EFCAB3: variants seen among roughly 807,000 people sequenced by gnomAD.
EFCAB3 encodes the protein EF-hand calcium binding domain 3, also known as EF-hand calcium-binding domain-containing protein 3.
EFCAB3 carries 36 observed loss-of-function variants against 42.2 expected under a neutral mutation model. That is an observed-to-expected ratio of 0.85 (90% CI 0.65 to 1.13). EFCAB3 has a LOEUF of 1.13. EFCAB3 is among the 50% of genes most tolerant of loss of function. The pLI is 0.00. For missense variants in EFCAB3, 418 were observed against 505.1 expected (o/e 0.83, Z 1.65); for synonymous variants, 170 against 172.8 (o/e 0.98, Z 0.13).
chr17:62,377,994 T>C, upstream of EFCAB3: 8 of 1,549,886 alleles, frequency 5.2e-6, no homozygotes, highest in Non-Finnish European at 6.1e-6. Context: ...TCTGCATAAG[T>C]TGAAAACTGC....
rs751051000 is a variant in EFCAB3, at chr17:62,387,378, AAC to A, written c.117_118del (p.His39GlnfsTer29). The A allele has an allele frequency of 6.2e-7, 1 of 1,612,012 alleles. No homozygotes were observed. The highest frequency in any genetic ancestry group is 2.2e-5 in the East Asian group (1 of 44,764). On this transcript the variant is annotated frameshift_variant, in exon 3 of 10. Coordinates refer to ENST00000305286, the MANE Select transcript of EFCAB3 (RefSeq NM_173503.4). LOFTEE classifies it high-confidence loss of function. ...CCAGGATCTCTTCAATGCCAATTACAACACAAAGAAAAGAAGCTAAGTGCTTC... is the reference window on the plus strand; with the variant it reads ...CCAGGATCTCTTCAATGCCAATTACAACAAAGAAAAGAAGCTAAGTGCTTC...
At chr17:62,377,875 T>C, upstream of EFCAB3, 1 of 998,082 alleles carries the variant, frequency 1.0e-6, no homozygotes, top group Non-Finnish European at 1.5e-6. Context: ...TTCACTCATC[T>C]GGGGAAAAAA....
At chr17:62,375,248 T>C (rs1056086290) in intron 2 of EFCAB3, among the ~76,000 whole-genome samples, 2 of 152,254 alleles carry the variant, frequency 1.3e-5, no homozygotes, top group Admixed American at 1.3e-4. Context: ...AGTCCTGTTG[T>C]ATTTTATTTG....
intron 1 of EFCAB3, chr17:62,373,695 G>A: frequency 1.6e-6 from 1 of 628,024 alleles, no homozygotes; most frequent in Non-Finnish European, 2.8e-6. Context: ...GCAAACCAAT[G>A]TTTCTAGTTC....
chr17:62,378,064 A>G (rs1006813646), upstream of EFCAB3: 2 of 1,466,554 alleles, frequency 1.4e-6, no homozygotes, highest in Admixed American at 4.6e-5. Context: ...ATGGGGCTTA[A>G]TACTTTGACT....
chr17:62,383,112 C>A, intron 2 of EFCAB3, 59 bp downstream of exon 2: 1 of 1,463,760 alleles, frequency 6.8e-7, no homozygotes, highest in Non-Finnish European at 9.3e-7. Context: ...ATTAGTGTTA[C>A]AGCTCTTTTA....
At chr17:62,391,104 T>G (rs553950868) in intron 3 of EFCAB3, among the ~76,000 whole-genome samples, 1 of 152,182 alleles carries the variant, frequency 6.6e-6, no homozygotes, top group Non-Finnish European at 1.5e-5. Context: ...ATCTCACAGT[T>G]CTATAAGTCA....
Position 62,383,002 on chromosome 17 carries a change from C to A in EFCAB3, c.23C>A (p.Pro8Gln), listed in dbSNP as rs773842438. 6.2e-7 allele frequency: 1 copy of A among 1,613,418 alleles called. No individual in the cohort carries two copies. The highest frequency in any genetic ancestry group is 8.5e-7 in the Non-Finnish European group (1 of 1,179,790). Residue 8 changes from proline to glutamine, a missense_variant, in exon 2 of 10, where the codon CCA (proline) becomes CAA (glutamine). Pro to Gln is a moderately conservative substitution (Grantham distance 76, BLOSUM62 -1). Coordinates refer to ENST00000305286, the MANE Select transcript of EFCAB3 (RefSeq NM_173503.4). Reference sequence around the variant, plus strand: ...CACATGGCAGTTTCAGAAATTAAACCAAAACTTAAGCTGAATCCTCTAACA... The same window carrying A: ...CACATGGCAGTTTCAGAAATTAAACAAAAACTTAAGCTGAATCCTCTAACA... MAVSEIK[P>Q]KLKLNPLTKV...
Position 62,393,710 on chromosome 17 carries a change from T to C in EFCAB3, c.367+66T>C, listed in dbSNP as rs544626465. ...ACAACTCACTGCACAGCAAACATCA[T>C]TCACAGGCTTCCAGTCGGGAGACAG... On this transcript the variant is annotated intron_variant, in intron 5 of 9. Transcript: ENST00000305286. The C allele has an allele frequency of 4.8e-5, 66 of 1,386,188 alleles. No homozygotes were observed. In the Admixed American group the frequency reaches 8.6e-4, roughly 18 times the overall value. The allele number at this position is 1,386,188 out of a possible 1,614,324, so 85.9% of individuals were successfully genotyped here.
At chr17:62,392,310 G>A (rs563026979) in intron 4 of EFCAB3, among the ~76,000 whole-genome samples, 7 of 151,532 alleles carry the variant, frequency 4.6e-5, no homozygotes, top group South Asian at 2.1e-4. Flanking sequence ...GTGTGTCTGC[G>A]TGTGTATGTA....
chr17:62,406,573 AT>A lies in EFCAB3; in HGVS notation c.583del (p.Cys195AlafsTer19), dbSNP rs1322312438. Reference protein sequence around the residue: ...YGKRTLKPDICTPPSSSMAAF... With the variant: ...YGKRTLKPDIXTPPSSSMAAF... ...GAAAAAGGACACTTAAGCCAGACAT[AT>A]GCACACCTCCAAGCTCAAGCATGGC... On this transcript the variant is annotated frameshift_variant, in exon 7 of 10. Transcript: ENST00000305286. LOFTEE classifies it high-confidence loss of function. 1 of 1,613,932 alleles carries A rather than the reference AT, an allele frequency of 6.2e-7. No homozygotes were observed. Among genetic ancestry groups the A allele is most frequent in the Non-Finnish European group, 8.5e-7 (1 of 1,180,008 alleles).
chr17:62,401,701 A>G (rs1037750498), intron 6 of EFCAB3, among the ~76,000 whole-genome samples: 3 of 152,164 alleles, frequency 2.0e-5, no homozygotes, highest in Non-Finnish European at 4.4e-5. Context: ...GCCTTGTAAT[A>G]TAGTTTGAAG....
chr17:62,370,240 A>G, exon 1 of EFCAB3: 2 of 1,544,352 alleles, frequency 1.3e-6, no homozygotes, highest in Non-Finnish European at 1.8e-6. Flanking sequence ...GATGTCCAGA[A>G]CTTAGACAAT....
chr17:62,398,048 G>C (rs959961050), intron 6 of EFCAB3: 2 of 258,856 alleles, frequency 7.7e-6, no homozygotes, highest in African/African-American at 2.7e-5. Flanking sequence ...AAAAAAAAAG[G>C]TGATATTCCT....
At chr17:62,389,218 C>G (rs1000259929) in intron 3 of EFCAB3, among the ~76,000 whole-genome samples, 1 of 152,210 alleles carries the variant, frequency 6.6e-6, no homozygotes, top group Non-Finnish European at 1.5e-5. Context: ...CCCTAGTTGT[C>G]TGGTACCTAG....
chr17:62,383,779 A>C (rs537682719), intron 2 of EFCAB3, among the ~76,000 whole-genome samples: 1 of 152,162 alleles, frequency 6.6e-6, no homozygotes, highest in Non-Finnish European at 1.5e-5. Context: ...AAAAATTTAG[A>C]AGATCATAAA....
chr17:62,393,775 C>T (rs2070325094), intron 5 of EFCAB3, 131 bp downstream of exon 5: 2 of 709,616 alleles, frequency 2.8e-6, no homozygotes, highest in South Asian at 3.7e-5. Context: ...TACTTTTGTA[C>T]CTCTTCTCCA....
chr17:62,395,376 C>T (rs1197505359), intron 6 of EFCAB3, among the ~76,000 whole-genome samples, 188 bp downstream of exon 6: 2 of 152,128 alleles, frequency 1.3e-5, no homozygotes, highest in Non-Finnish European at 2.9e-5. Flanking sequence ...ACAGTCCTTC[C>T]CAGCTCTAAA....
intron 1 of EFCAB3, among the ~76,000 whole-genome samples, chr17:62,370,630 T>A (rs2070108250): frequency 6.6e-6 from 1 of 151,428 alleles, no homozygotes; most frequent in Admixed American, 6.6e-5. Flanking sequence ...CACTCCAGCC[T>A]GGGCAACAAG....
Sources: gnomAD v4.1 joint callset for allele counts (sites outside exome capture counted in the v4.1 genomes callset) on GRCh38, gnomAD v4.1.1 for gene constraint, MANE v1.5 for transcripts, NCBI Gene and HGNC (gene_info 2026-07-23, HGNC 2026-07-21) for gene names.